The following BORA variants were observed in gnomAD, a reference collection of about 807,000 sequenced individuals.
BORA encodes the protein BORA aurora kinase A activator.
A neutral mutation model predicts 55.8 loss-of-function variants in BORA; 26 were observed. The observed-to-expected ratio is 0.47, with a 90% CI of 0.34 to 0.65. The LOEUF (loss-of-function observed/expected upper bound fraction) is 0.65. BORA is among the 30% of genes least tolerant of loss of function. BORA has a pLI of 0.01. For missense variants in BORA, 568 were observed against 671.5 expected (o/e 0.85, Z 1.70); for synonymous variants, 201 against 216.9 (o/e 0.93, Z 0.64).
In BORA at chr13:72,746,101, G is replaced by A. The variant is rs41286052; in HGVS notation, c.871+25G>A. 12,845 of 1,574,816 alleles carry A rather than the reference G, an allele frequency of 8.2e-3. 76 individuals carry two copies. Among genetic ancestry groups the A allele is most frequent in the Middle Eastern group, 0.02 (119 of 5,952 alleles). On this transcript the variant is annotated intron_variant, in intron 9 of 11. Transcript: ENST00000390667. ...GGTATGTCTCATAATAAAATACCTA[G>A]TTAAAAGTTTTATACTATCAATATT...
chr13:72,738,883 T>C (rs1489491064), intron 5 of BORA, among the ~76,000 whole-genome samples: 1 of 152,186 alleles, frequency 6.6e-6, no homozygotes, highest in African/African-American at 2.4e-5. Flanking sequence ...AACCTAGTTT[T>C]AGAAAGATGA....
chr13:72,754,314 CT>C lies in BORA; in HGVS notation c.1614+508del, dbSNP rs531119727. 960 of 140,944 alleles carry C rather than the reference CT, an allele frequency of 6.8e-3. 1 individual carries two copies. The highest frequency in any genetic ancestry group is 0.011 in the Middle Eastern group (3 of 268). 8.7% of individuals were successfully genotyped at this position (140,944 alleles called of 1,614,324 possible). A position where few individuals can be genotyped will look rare whatever the true frequency, so the allele number is the denominator to read the frequency against. ...GCCTTGTATGCCGTTTCTTTTTTTTCTTTTTTTTTTTTTTTGAGACAGGGTC... is the reference window on the plus strand; with the variant it reads ...GCCTTGTATGCCGTTTCTTTTTTTTCTTTTTTTTTTTTTTGAGACAGGGTC... On this transcript the variant is annotated intron_variant, in intron 11 of 11. Coordinates refer to ENST00000390667, the MANE Select transcript of BORA (RefSeq NM_024808.5).
chr13:72,729,057 C>A lies in BORA; in HGVS notation c.117C>A (p.Leu39=). 1.3e-6 allele frequency: 2 copies of A among 1,586,010 alleles called. No homozygotes were observed. The highest frequency in any genetic ancestry group is 1.7e-4 in the Middle Eastern group (1 of 5,762). Residue 39 remains leucine, a synonymous_variant, in exon 2 of 12, where the codon CTC becomes CTA. Transcript: ENST00000390667. ...SDYSNLHEQT[L]ASPSVFKSTK... is the part of the protein sequence containing the mutation. ...ATTCTAATCTCCATGAACAAACTCTCGCCAGTCCTTCTGTTTTTAAATCAA... is the reference window on the plus strand; with the variant it reads ...ATTCTAATCTCCATGAACAAACTCTAGCCAGTCCTTCTGTTTTTAAATCAA...
Position 72,749,809 on chromosome 13 carries a change from A to AT in BORA, c.1482+2705dup, listed in dbSNP as rs201870211. 4.7e-3 allele frequency among the ~76,000 whole-genome samples: 710 copies of AT among 151,856 alleles called. 8 individuals carry two copies. The highest frequency in any genetic ancestry group is 0.016 in the African/African-American group (661 of 41,406). Reference sequence around the variant, plus strand: ...CATTTTACTTAGTTAACTCCTATTTATTTTTTTCATTGACAACTTATTGAT... The same window carrying AT: ...CATTTTACTTAGTTAACTCCTATTTATTTTTTTTCATTGACAACTTATTGAT... On this transcript the variant is annotated intron_variant, in intron 10 of 11. Transcript: ENST00000390667.
intron 8 of BORA, 41 bp from the exon 9 acceptor site, chr13:72,745,903 G>C (rs2033129866): frequency 1.9e-6 from 3 of 1,547,784 alleles, no homozygotes; most frequent in Non-Finnish European, 2.6e-6. Context: ...AGTTAAGGAA[G>C]AGAACCATAT....
chr13:72,730,729 G>A (rs903194138), intron 2 of BORA, among the ~76,000 whole-genome samples: 7 of 151,880 alleles, frequency 4.6e-5, no homozygotes, highest in Admixed American at 1.3e-4. Flanking sequence ...CTCGTATTAC[G>A]TAATTCCAAC....
intron 11 of BORA, 77 bp downstream of exon 11, chr13:72,753,898 T>A (rs1277074077): frequency 6.0e-6 from 8 of 1,339,240 alleles, no homozygotes; most frequent in Non-Finnish European, 8.2e-6. Context: ...TAGACAATAG[T>A]ACTATTGAGA....
intron 8 of BORA, 60 bp downstream of exon 8, chr13:72,745,267 G>T: frequency 1.4e-6 from 2 of 1,419,092 alleles, no homozygotes; most frequent in Non-Finnish European, 2.0e-6. Flanking sequence ...CCCACATTTT[G>T]TTGTTGTTCT....
chr13:72,755,180 G>T lies in BORA; in HGVS notation c.1644G>T (p.Met548Ile). ...ACCACACAACACAGAGGTGTTGGAT[G>T]AAAACAGCAAGCCCTTTTCAATGCA... is the stretch of plus-strand genomic sequence containing the variant. ...KQDHTTQRCWMKTASPFQCSS... is the reference protein window; with the variant it reads ...KQDHTTQRCWIKTASPFQCSS... Residue 548 changes from methionine to isoleucine, a missense_variant, in exon 12 of 12, where the codon ATG (methionine) becomes ATT (isoleucine). Met to Ile is a conservative substitution (Grantham distance 10). Transcript: ENST00000390667. The T allele has an allele frequency of 6.2e-7, 1 of 1,613,800 alleles. No homozygotes were observed. The highest frequency in any genetic ancestry group is 2.2e-5 in the East Asian group (1 of 44,874).
At chr13:72,734,507 A>G (rs1461533561) in intron 3 of BORA, among the ~76,000 whole-genome samples, 1 of 152,214 alleles carries the variant, frequency 6.6e-6, no homozygotes, top group African/African-American at 2.4e-5. Flanking sequence ...ACTGTTTAGA[A>G]CTGTGAACTA....
At chr13:72,751,298 T>G (rs1255925926) in intron 10 of BORA, among the ~76,000 whole-genome samples, 1 of 152,188 alleles carries the variant, frequency 6.6e-6, no homozygotes, top group Non-Finnish European at 1.5e-5. Context: ...ATACCTGTAC[T>G]CCAGTGTTTA....
chr13:72,754,001 T>A, intron 11 of BORA, 180 bp downstream of exon 11: 1 of 591,436 alleles, frequency 1.7e-6, no homozygotes. Flanking sequence ...TACACAAGTA[T>A]CTTACATACT....
At position 72,746,796 on chromosome 13, in the gene BORA, T is replaced by A; in HGVS notation, c.1167T>A (p.Ser389Arg). The part of the protein sequence containing the change: ...DAAGIHLRQF[S>R]NEASTHGTHL... The stretch of plus-strand genomic sequence containing the variant: ...CTGGAATACACCTACGGCAGTTTAG[T>A]AATGAGGCTTCTACCCATGGTACAC... Residue 389 changes from serine (S) to arginine (R), a missense_variant, in exon 10 of 12, where the codon AGT (serine) becomes AGA (arginine). Transcript: ENST00000390667. 6.2e-7 allele frequency: 1 copy of A among 1,614,166 alleles called. No homozygotes were observed. The highest frequency in any genetic ancestry group is 8.5e-7 in the Non-Finnish European group (1 of 1,179,992).
At chr13:72,735,089 A>G (rs188204614) in intron 4 of BORA, 84 bp downstream of exon 4, 27 of 1,088,786 alleles carry the variant, frequency 2.5e-5, no homozygotes, top group East Asian at 1.9e-4. Flanking sequence ...ACTTTCTTCA[A>G]TTCCTTCACT....
At chr13:72,746,222 G>T (rs780900804) in intron 9 of BORA, 146 bp downstream of exon 9, 23 of 895,160 alleles carry the variant, frequency 2.6e-5, no homozygotes, top group Non-Finnish European at 3.8e-5. Context: ...TTAAATAAAA[G>T]AACAGTTTAC....
chr13:72,744,980 G>T lies in BORA; in HGVS notation c.512-1G>T. ...GCCTTTTCTCCTATTATTAAATATA[G>T]GTGACTATTTTAGAGCTGATGAATT... On this transcript the variant is annotated splice_acceptor_variant, in intron 7 of 11. Transcript: ENST00000390667. LOFTEE classifies it high-confidence loss of function. 3 of 1,612,384 alleles carry T rather than the reference G, an allele frequency of 1.9e-6. No individual in the cohort carries two copies. Among genetic ancestry groups the T allele is most frequent in the Non-Finnish European group, 2.5e-6 (3 of 1,178,874 alleles).
intron 5 of BORA, among the ~76,000 whole-genome samples, chr13:72,742,266 T>G (rs1308839315): frequency 4.1e-5 from 6 of 146,738 alleles, no homozygotes; most frequent in East Asian, 2.1e-4. Flanking sequence ...GGAGGGGGGG[T>G]TTGTTTGGTC....
Position 72,727,977 on chromosome 13 carries a change from C to A in BORA, c.-46C>A. On this transcript the variant is annotated 5_prime_UTR_variant, in exon 1 of 12. Transcript: ENST00000390667. Reference sequence around the variant, plus strand: ...CCTGGCCCCCGGAGCTCCCTGGAGTCGGTACTGGGGGCTTCGTTTTGTACG... The same window carrying A: ...CCTGGCCCCCGGAGCTCCCTGGAGTAGGTACTGGGGGCTTCGTTTTGTACG... 1 of 1,550,260 alleles carries A rather than the reference C, an allele frequency of 6.5e-7. No individual in the cohort carries two copies. The highest frequency in any genetic ancestry group is 8.7e-7 in the Non-Finnish European group (1 of 1,146,926).
At chr13:72,738,203 A>G (rs957050477) in intron 5 of BORA, among the ~76,000 whole-genome samples, 160 bp downstream of exon 5, 1 of 152,214 alleles carries the variant, frequency 6.6e-6, no homozygotes, top group Admixed American at 6.5e-5. Flanking sequence ...TAAAAATTTG[A>G]CTAAAATTTA....
Sources: gnomAD v4.1 joint callset for allele counts (sites outside exome capture counted in the v4.1 genomes callset) on GRCh38, gnomAD v4.1.1 for gene constraint, MANE v1.5 for transcripts, NCBI Gene and HGNC (gene_info 2026-07-23, HGNC 2026-07-21) for gene names.